The following L1CAM variants were observed in gnomAD, a reference collection of about 807,000 sequenced individuals.
L1CAM encodes neural cell adhesion molecule L1.
L1CAM carries 8 observed loss-of-function variants against 93.0 expected under a neutral mutation model. The observed-to-expected ratio is 0.09, with a 90% CI of 0.05 to 0.16. The LOEUF (loss-of-function observed/expected upper bound fraction) is 0.16. Ranked by LOEUF, L1CAM falls within the 10% of genes least tolerant of loss-of-function variation. The probability of loss-of-function intolerance (pLI) is 1.00; values close to 1 mark genes in which losing one functional copy is unlikely to be tolerated. For synonymous variants in L1CAM, 453 were observed against 453.0 expected (o/e 1.00, Z 0.00); for missense variants, 777 against 1,073.4 (o/e 0.72, Z 3.86).
chrX:153,879,150 G>A (rs2064830509), intron 1 of L1CAM, among the ~76,000 whole-genome samples: 1 of 111,209 alleles, frequency 9.0e-6, no homozygotes, highest in Non-Finnish European at 1.9e-5. Flanking sequence ...AAGGAGCGGG[G>A]AGGGGGGAGT....
In L1CAM at chrX:153,866,829, G is replaced by A; in HGVS notation, c.2251C>T (p.Arg751Cys). 1 of 1,211,550 alleles carries A rather than the reference G, an allele frequency of 8.3e-7. No homozygotes were observed. Among genetic ancestry groups the A allele is most frequent in the Non-Finnish European group, 1.1e-6 (1 of 895,351 alleles). ...GTCCCCTGAGGGCGCCACTGCACGC[G>A]GTACTGAACCTGGGGGGCGTTCCAG... ...MDWNAPQVQY[R>C]VQWRPQGTRG... The change falls in exon 19 of 29, where the codon CGC becomes TGC. Residue 751 changes from arginine (R) to cysteine (C), a missense_variant. Transcript: ENST00000370060.
intron 16 of L1CAM, 106 bp downstream of exon 16, chrX:153,867,694 C>A (rs2064727012): frequency 1.0e-6 from 1 of 980,764 alleles, no homozygotes; most frequent in East Asian, 3.1e-5. Flanking sequence ...CGTGAGTCCC[C>A]CCAAACCGTG....
chrX:153,862,575 C>T lies in L1CAM; in HGVS notation c.*88G>A, dbSNP rs2064672298. ...TCCGAGGCAGCAAGTTCTCCTCTGCCCCAACTCCAGCCTCCCATGGGCCTG... is the reference window on the plus strand; with the variant it reads ...TCCGAGGCAGCAAGTTCTCCTCTGCTCCAACTCCAGCCTCCCATGGGCCTG... On this transcript the variant is annotated 3_prime_UTR_variant, in exon 29 of 29. Transcript: ENST00000370060. 2.3e-5 allele frequency: 18 copies of T among 770,854 alleles called. No homozygotes were observed. Among genetic ancestry groups the T allele is most frequent in the Non-Finnish European group, 3.2e-5 (17 of 527,634 alleles). The allele number at this position is 770,854 out of a possible 1,213,427, so 63.5% of individuals were successfully genotyped here.
At chrX:153,884,706 G>A (rs992726594) in intron 1 of L1CAM, among the ~76,000 whole-genome samples, 7 of 112,496 alleles carry the variant, frequency 6.2e-5, no homozygotes, top group Non-Finnish European at 1.1e-4. Context: ...GTGCACATGT[G>A]GGCACTGCAT....
rs1557089371 is a variant in L1CAM at position 153,862,887 on chromosome X, C to T, written c.3550G>A (p.Glu1184Lys). ...GEYRSLESDNEEKAFGSSQPS... is the reference protein window; with the variant it reads ...GEYRSLESDNKEKAFGSSQPS... ...TGGCTGCTGCCAAAGGCCTTCTCCT[C>T]GTTGTCACTGCAGAGGCACAGGGCA... The change falls in exon 29 of 29, where the codon GAG (glutamate) becomes AAG (lysine). Residue 1184 changes from glutamate to lysine, a missense_variant. Physicochemically the swap from Glu to Lys is moderately conservative, Grantham distance 56. This residue lies in a region of L1CAM where 110 missense variants were observed against 141.7 expected (regional missense o/e 0.78). Coordinates refer to ENST00000370060, the MANE Select transcript of L1CAM (RefSeq NM_001278116.2). The T allele has an allele frequency of 2.5e-6, 3 of 1,207,528 alleles. No individual in the cohort carries two copies. The highest frequency in any genetic ancestry group is 2.3e-4 in the Middle Eastern group (1 of 4,339).
chrX:153,864,112 G>C (rs2064689725), intron 25 of L1CAM, 95 bp from the exon 26 acceptor site: 1 of 1,142,910 alleles, frequency 8.7e-7, no homozygotes, highest in South Asian at 1.8e-5. Context: ...CCCTCTGGGG[G>C]GCTAAGGAGT....
chrX:153,868,870 G>A lies in L1CAM; in HGVS notation c.1350C>T (p.Ala450=). 2 of 1,211,282 alleles carry A rather than the reference G, an allele frequency of 1.7e-6. No individual in the cohort carries two copies. The highest frequency in any genetic ancestry group is 2.2e-6 in the Non-Finnish European group (2 of 894,870). Residue 450 remains alanine, a synonymous_variant, in exon 12 of 29, where the codon GCC becomes GCT. Coordinates refer to ENST00000370060, the MANE Select transcript of L1CAM (RefSeq NM_001278116.2). ...GAACACTGGGCACAGGCGCTCCGAA[G>A]GCCTTGCACAGAAGGTAGGCAGTGC... ...QGSTAYLLCK[A]FGAPVPSVQW...
intron 22 of L1CAM, 28 bp downstream of exon 22, chrX:153,865,060 C>G: frequency 2.5e-6 from 3 of 1,211,608 alleles, no homozygotes; most frequent in Non-Finnish European, 3.4e-6. Flanking sequence ...CCCTCCACCT[C>G]CCTTCCCTGC....
rs782750386 is a variant in L1CAM at position 153,870,337 on chromosome X, G to C, written c.806+51C>G. 1.6e-5 allele frequency: 19 copies of C among 1,180,747 alleles called. No individual in the cohort carries two copies. In the East Asian group the frequency reaches 5.4e-4, roughly 33 times the overall value. On this transcript the variant is annotated intron_variant, in intron 8 of 28. Coordinates refer to ENST00000370060, the MANE Select transcript of L1CAM (RefSeq NM_001278116.2). Reference sequence around the variant, plus strand: ...CCGCGGTGGTCTGAGCTCCCTGCTAGGGCTCCGCCACCCTGCCCTGCCCTG... The same window carrying C: ...CCGCGGTGGTCTGAGCTCCCTGCTACGGCTCCGCCACCCTGCCCTGCCCTG...
intron 1 of L1CAM, chrX:153,876,496 T>C (rs2064814934): frequency 7.8e-6 from 1 of 128,924 alleles, no homozygotes; most frequent in Admixed American, 7.8e-5. Context: ...GATGAATCCC[T>C]GTATCTATTA....
At chrX:153,884,827 C>T (rs1194158537) in intron 1 of L1CAM, among the ~76,000 whole-genome samples, 2 of 113,103 alleles carry the variant, frequency 1.8e-5, no homozygotes, top group South Asian at 7.2e-4. Context: ...AAAGATGATG[C>T]TGGGCAGCAG....
At chrX:153,885,581 C>G in intron 1 of L1CAM, 1 of 314,983 alleles carries the variant, frequency 3.2e-6, no homozygotes, top group Admixed American at 5.3e-5. Context: ...CCCGATCTAC[C>G]CCTCACCACG....
At chrX:153,885,301 C>A in intron 1 of L1CAM, 1 of 737,013 alleles carries the variant, frequency 1.4e-6, no homozygotes, top group Non-Finnish European at 1.9e-6. Context: ...CACCCATGCA[C>A]GGGAGGCACA....
chrX:153,867,112 T>G lies in L1CAM; in HGVS notation c.2150A>C (p.Asn717Thr). 8.3e-7 allele frequency: 1 copy of G among 1,208,543 alleles called. No individual in the cohort carries two copies. The highest frequency in any genetic ancestry group is 1.1e-6 in the Non-Finnish European group (1 of 892,796). The change falls in exon 18 of 29, where the codon AAC becomes ACC. Residue 717 changes from asparagine (N) to threonine (T), a missense_variant. Around this residue, in one of 5 missense-constraint regions of L1CAM, gnomAD observed 574 missense variants for 781.0 expected, o/e 0.73. Transcript: ENST00000370060. The part of the protein sequence containing the change: ...VVTPEAAPEK[N>T]PVDVKGEGNE... ...TCCTTCCCCCTTCACATCCACAGGG[T>G]TCTTCTCTGGGGCTGGAAAGGAAAG...
At chrX:153,863,401 G>C (rs879993980) in intron 27 of L1CAM, 22 bp from the exon 28 acceptor site, 2 of 1,211,143 alleles carry the variant, frequency 1.7e-6, no homozygotes, top group South Asian at 3.5e-5. Context: ...CGGCAGCACA[G>C]AGAAGAGAGA....
intron 1 of L1CAM, among the ~76,000 whole-genome samples, chrX:153,879,694 C>T (rs1462005127): frequency 2.8e-5 from 3 of 106,843 alleles, no homozygotes; most frequent in Non-Finnish European, 5.8e-5. Context: ...AAGGGACGGC[C>T]GTGAGACAGG....
chrX:153,864,186 C>A (rs1557089950), intron 25 of L1CAM, 136 bp downstream of exon 25: 1 of 1,012,287 alleles, frequency 9.9e-7, no homozygotes, highest in African/African-American at 1.9e-5. Context: ...CGGGGACACC[C>A]AGATTCTGGG....
intron 1 of L1CAM, 100 bp downstream of exon 1, chrX:153,885,965 C>CCAGG (rs1379242575): frequency 3.3e-6 from 2 of 597,815 alleles, no homozygotes; most frequent in South Asian, 1.1e-4. Context: ...CCGGACCGGG[C>CCAGG]CGGGACTCCC....
intron 9 of L1CAM, 43 bp downstream of exon 9, chrX:153,870,013 A>C (rs1557092492): frequency 2.5e-6 from 3 of 1,209,273 alleles, no homozygotes; most frequent in Non-Finnish European, 3.4e-6. Flanking sequence ...CCCCTCCCCC[A>C]TGACAGTGGG....
Sources: gnomAD v4.1 joint callset for allele counts (sites outside exome capture counted in the v4.1 genomes callset) on GRCh38, gnomAD v4.1.1 for gene constraint, gnomAD v4.1.1 regional missense constraint, MANE v1.5 for transcripts, NCBI Gene and HGNC (gene_info 2026-07-23, HGNC 2026-07-21) for gene names.